Variants in KIF13B observed in about 807,000 individuals in gnomAD.
The protein encoded by KIF13B is kinesin-like protein KIF13B.
KIF13B carries 127 observed loss-of-function variants against 222.0 expected under a neutral mutation model. The observed-to-expected ratio is 0.57, with a 90% CI of 0.50 to 0.66. KIF13B has a LOEUF of 0.66. Among genes scored for constraint, KIF13B ranks in the 30% least tolerant of loss-of-function variants. The pLI is 0.00. For synonymous variants in KIF13B, 976 were observed against 919.0 expected, an observed-to-expected ratio of 1.06 and a Z score of -1.12; for missense variants, 2,173 against 2,379.0, an observed-to-expected ratio of 0.91 and a Z score of 1.80.
At chr8:29,141,944 G>C (rs1247582342) in intron 19 of KIF13B, among the ~76,000 whole-genome samples, 1 of 152,092 alleles carries the variant, frequency 6.6e-6, no homozygotes, top group Non-Finnish European at 1.5e-5. Flanking sequence ...AAATCTAAAA[G>C]ACAGAAATGA....
At position 29,196,096 on chromosome 8, in the gene KIF13B, T is replaced by C. The variant is rs1733305787; in HGVS notation, c.162+91A>G. The C allele has an allele frequency of 3.7e-6, 4 of 1,085,106 alleles. No individual in the cohort carries two copies. The Admixed American group carries it at 7.5e-5, about 20-fold the overall frequency. 67.2% of individuals were successfully genotyped at this position (1,085,106 alleles called of 1,614,324 possible). A position where few individuals can be genotyped will look rare whatever the true frequency, so the allele number is the denominator to read the frequency against. On this transcript the variant is annotated intron_variant, in intron 3 of 39. Coordinates refer to ENST00000524189, the MANE Select transcript of KIF13B (RefSeq NM_015254.4). Reference sequence around the variant, plus strand: ...ATTACTTGTACAAAATGATAGAAAATATTTTCCTTTTTGAGAAGAAAACTT... The same window carrying C: ...ATTACTTGTACAAAATGATAGAAAACATTTTCCTTTTTGAGAAGAAAACTT...
At chr8:29,208,420 GA>G (rs1207077914) in intron 2 of KIF13B, among the ~76,000 whole-genome samples, 1 of 152,198 alleles carries the variant, frequency 6.6e-6, no homozygotes, top group Non-Finnish European at 1.5e-5. Flanking sequence ...TAAATAAAAT[GA>G]AATCTGTGGT....
intron 29 of KIF13B, among the ~76,000 whole-genome samples, chr8:29,121,287 A>T (rs1353342460): frequency 6.1e-4 from 34 of 55,778 alleles, no homozygotes; most frequent in African/African-American, 2.4e-3. Context: ...GAGGCATCAC[A>T]CTACCTGACT....
intron 7 of KIF13B, among the ~76,000 whole-genome samples, chr8:29,181,076 G>C (rs973121386): frequency 4.6e-5 from 7 of 152,256 alleles, no homozygotes; most frequent in African/African-American, 1.7e-4. Context: ...GCTCACTCTG[G>C]CCTCATGACA....
chr8:29,178,789 A>G (rs1368404150), intron 8 of KIF13B, among the ~76,000 whole-genome samples: 1 of 152,164 alleles, frequency 6.6e-6, no homozygotes. Flanking sequence ...GCAGATGAAA[A>G]TCCTGCCAAA....
intron 10 of KIF13B, 66 bp downstream of exon 10, chr8:29,176,002 A>T (rs1742910472): frequency 1.2e-6 from 1 of 861,950 alleles, no homozygotes; most frequent in Non-Finnish European, 1.9e-6. Context: ...TTAACAGTCT[A>T]CTCTTTTTTC....
intron 12 of KIF13B, among the ~76,000 whole-genome samples, chr8:29,161,742 C>T (rs111798999): frequency 8.6e-4 from 126 of 146,516 alleles, no homozygotes; most frequent in African/African-American, 2.7e-3. Flanking sequence ...ACAAAACAAA[C>T]GTTCTCTGTG....
chr8:29,104,300 T>C (rs910008376), intron 35 of KIF13B, among the ~76,000 whole-genome samples: 1 of 152,072 alleles, frequency 6.6e-6, no homozygotes, highest in African/African-American at 2.4e-5. Context: ...CTCTCGGACC[T>C]ATACACTGCT....
intron 35 of KIF13B, among the ~76,000 whole-genome samples, chr8:29,104,993 G>A (rs1190577134): frequency 6.6e-6 from 1 of 151,268 alleles, no homozygotes; most frequent in Non-Finnish European, 1.5e-5. Flanking sequence ...GGAAGACAGG[G>A]TCTCTCTCTG....
chr8:29,095,796 T>A (rs1808495131), intron 36 of KIF13B, among the ~76,000 whole-genome samples: 1 of 151,250 alleles, frequency 6.6e-6, no homozygotes, highest in Non-Finnish European at 1.5e-5. Flanking sequence ...AAAACAAAAC[T>A]ACAGAATATT....
At chr8:29,107,859 C>G (rs1809165770) in intron 35 of KIF13B, among the ~76,000 whole-genome samples, 1 of 152,152 alleles carries the variant, frequency 6.6e-6, no homozygotes, top group South Asian at 2.1e-4. Context: ...TGCGCCCAGC[C>G]TGAAGTTTCT....
chr8:29,098,170 CAAA>C (rs147089450), intron 36 of KIF13B, among the ~76,000 whole-genome samples: 10 of 30,310 alleles, frequency 3.3e-4, no homozygotes, highest in South Asian at 1.2e-3. Flanking sequence ...GACTCCATCT[CAAA>C]AAAAAAAAAA....
chr8:29,165,784 A>G lies in KIF13B; in HGVS notation c.1159-12T>C, dbSNP rs1448784877. ...GGAGATTTCATTGCCTACAAGCAAA[A>G]TGTTTACTTCATGAAATGTCTAGAA... On this transcript the variant is annotated splice_polypyrimidine_tract_variant and intron_variant, in intron 11 of 39. Transcript: ENST00000524189. 1 of 1,568,316 alleles carries G rather than the reference A, an allele frequency of 6.4e-7. No homozygotes were observed. Among genetic ancestry groups the G allele is most frequent in the South Asian group, 1.1e-5 (1 of 90,052 alleles).
intron 1 of KIF13B, among the ~76,000 whole-genome samples, chr8:29,259,790 G>GAAC (rs1200673207): frequency 3.3e-5 from 5 of 152,196 alleles, no homozygotes; most frequent in Non-Finnish European, 7.3e-5. Context: ...TGTACAGTCT[G>GAAC]AACAACAACA....
chr8:29,080,883 T>C (rs777134813), intron 37 of KIF13B, among the ~76,000 whole-genome samples: 2 of 152,142 alleles, frequency 1.3e-5, no homozygotes, highest in Non-Finnish European at 2.9e-5. Context: ...CACATGATAA[T>C]CCCTGCTGAG....
At chr8:29,216,422 C>A (rs1208281123) in intron 2 of KIF13B, among the ~76,000 whole-genome samples, 4 of 152,022 alleles carry the variant, frequency 2.6e-5, no homozygotes. Flanking sequence ...CATGGTGAAA[C>A]CCCACCTCTA....
At position 29,070,484 on chromosome 8, in the gene KIF13B, G is replaced by T; in HGVS notation, c.*20C>A. 1 of 1,607,918 alleles carries T rather than the reference G, an allele frequency of 6.2e-7. No homozygotes were observed. The highest frequency in any genetic ancestry group is 1.1e-5 in the South Asian group (1 of 90,122). On this transcript the variant is annotated 3_prime_UTR_variant, in exon 40 of 40. Coordinates refer to ENST00000524189, the MANE Select transcript of KIF13B (RefSeq NM_015254.4). This position sits in a 1 kb window ranked among gnomAD's most constrained non-coding sequence, Gnocchi z 4.1. ...AAAGGGGCCGGGCACCCCCAGAAAA[G>T]TTCGCCCTAAGGCAGCGGCTCAGCT... is the stretch of plus-strand genomic sequence containing the variant.
intron 1 of KIF13B, among the ~76,000 whole-genome samples, chr8:29,250,310 C>T (rs1816224555): frequency 6.6e-6 from 1 of 152,144 alleles, no homozygotes; most frequent in Non-Finnish European, 1.5e-5. Context: ...AAATTATCTT[C>T]AATTAAGAAG....
chr8:29,120,166 G>GTTTTTTTTT (rs57731633), intron 29 of KIF13B, among the ~76,000 whole-genome samples: 2 of 102,378 alleles, frequency 2.0e-5, no homozygotes, highest in African/African-American at 6.9e-5. Context: ...AAAAATGACA[G>GTTTTTTTTT]TTTTTTTTTT....
Sources: gnomAD v4.1 joint callset for allele counts (sites outside exome capture counted in the v4.1 genomes callset) on GRCh38, gnomAD v4.1.1 for gene constraint, Gnocchi (gnomAD v3.1) non-coding constraint, MANE v1.5 for transcripts, NCBI Gene and HGNC (gene_info 2026-07-23, HGNC 2026-07-21) for gene names.